The following ST3GAL5 variants were observed in gnomAD, a reference collection of about 807,000 sequenced individuals.
ST3GAL5 encodes the protein lactosylceramide alpha-2,3-sialyltransferase.
In ST3GAL5, 25 loss-of-function variants were observed where a neutral mutation model predicts 46.1. The ratio of observed to expected loss-of-function variants is 0.54; its 90% CI spans 0.40 to 0.76. The LOEUF (loss-of-function observed/expected upper bound fraction) is 0.76. Among genes scored for constraint, ST3GAL5 ranks in the 30% least tolerant of loss-of-function variants. The pLI is 0.00. For missense variants in ST3GAL5, 431 were observed against 521.2 expected, an observed-to-expected ratio of 0.83 and a Z score of 1.69; for synonymous variants, 182 against 192.7, an observed-to-expected ratio of 0.94 and a Z score of 0.46.
rs1050048593 is a variant in ST3GAL5, at chr2:85,844,299, T to C, written c.1008+97A>G. 64 of 1,529,102 alleles carry C rather than the reference T, an allele frequency of 4.2e-5. No homozygotes were observed. In the African/African-American group the frequency reaches 7.3e-4, roughly 17 times the overall value. 94.7% of individuals were successfully genotyped at this position (1,529,102 alleles called of 1,614,324 possible). On this transcript the variant is annotated intron_variant, in intron 6 of 6. Coordinates refer to ENST00000638572, the MANE Select transcript of ST3GAL5 (RefSeq NM_003896.4). ...CTAATCACAGGCTGGGTTTCTCCAC[T>C]GGAGATGCTTCTGGGTATACAGTTG... is the stretch of plus-strand genomic sequence containing the variant.
intron 3 of ST3GAL5, chr2:85,850,414 T>C (rs1009233742): frequency 2.6e-5 from 4 of 152,294 alleles, no homozygotes; most frequent in African/African-American, 9.6e-5. Flanking sequence ...TAAATACGAA[T>C]TGGCATCTTC....
At chr2:85,881,207 C>T (rs1279362825) in intron 1 of ST3GAL5, among the ~76,000 whole-genome samples, 1 of 152,182 alleles carries the variant, frequency 6.6e-6, no homozygotes, top group African/African-American at 2.4e-5. Flanking sequence ...GAGACCTTCC[C>T]CAGACATGTG....
intron 4 of ST3GAL5, chr2:85,847,316 T>C: frequency 1.0e-6 from 1 of 961,732 alleles, no homozygotes; most frequent in South Asian, 4.6e-5. Flanking sequence ...TGTGGTCCTT[T>C]GCTGTTTTAC....
intron 2 of ST3GAL5, among the ~76,000 whole-genome samples, chr2:85,862,864 A>G (rs1684874540): frequency 6.6e-6 from 1 of 152,218 alleles, no homozygotes; most frequent in South Asian, 2.1e-4. Flanking sequence ...TGACTGGTAT[A>G]TATGTAAAAA....
rs1379967159 is a variant in ST3GAL5, at chr2:85,861,236, G to C, written c.263C>G (p.Thr88Ser). The C allele has an allele frequency of 1.9e-6, 3 of 1,613,416 alleles. No individual in the cohort carries two copies. Among genetic ancestry groups the C allele is most frequent in the Non-Finnish European group, 8.5e-7 (1 of 1,179,744 alleles). ...TTTTTTCATGTCACATTCTTCAGTA[G>C]TATAATTTAACTTGAGGATATAAAG... ...WILYILKLNY[T>S]TEECDMKKMH... Residue 88 changes from threonine to serine, a missense_variant, in exon 3 of 7, where the codon ACT becomes AGT. Transcript: ENST00000638572.
chr2:85,839,920 T>G lies in ST3GAL5; in HGVS notation c.*224A>C, dbSNP rs1302944472. On this transcript the variant is annotated 3_prime_UTR_variant, in exon 7 of 7. Transcript: ENST00000638572. Reference sequence around the variant, plus strand: ...CTTTGAGAAGTCTTTCCAATTCAATTCTTAAGTTTCATTTACAAAATGGTG... The same window carrying G: ...CTTTGAGAAGTCTTTCCAATTCAATGCTTAAGTTTCATTTACAAAATGGTG... The G allele has an allele frequency of 3.4e-6, 2 of 585,624 alleles. No individual in the cohort carries two copies. Among genetic ancestry groups the G allele is most frequent in the East Asian group, 5.9e-5 (2 of 33,816 alleles). The allele number at this position is 585,624 out of a possible 1,614,324, so 36.3% of individuals were successfully genotyped here.
intron 1 of ST3GAL5, among the ~76,000 whole-genome samples, chr2:85,872,784 G>A (rs550752143): frequency 2.0e-5 from 3 of 152,310 alleles, no homozygotes; most frequent in East Asian, 1.9e-4. Flanking sequence ...CCTACCATCC[G>A]TGGGGAAGGG....
chr2:85,844,701 G>A, intron 5 of ST3GAL5, 147 bp from the exon 6 acceptor site: 2 of 1,094,046 alleles, frequency 1.8e-6, no homozygotes, highest in African/African-American at 3.1e-5. Flanking sequence ...GATTGCAAAA[G>A]CTACGCAAAT....
rs188807604 is a variant in ST3GAL5, at chr2:85,839,466, G to A, written c.*678C>T. On this transcript the variant is annotated 3_prime_UTR_variant, in exon 7 of 7. Coordinates refer to ENST00000638572, the MANE Select transcript of ST3GAL5 (RefSeq NM_003896.4). ...ATTCAAGAATTGTAATAATTGCTGGGAAGACTGTGGTTTCTGTAGCCCAGG... is the reference window on the plus strand; with the variant it reads ...ATTCAAGAATTGTAATAATTGCTGGAAAGACTGTGGTTTCTGTAGCCCAGG... 20 of 153,574 alleles carry A rather than the reference G, an allele frequency of 1.3e-4. No individual in the cohort carries two copies. The highest frequency in any genetic ancestry group is 4.1e-4 in the South Asian group (2 of 4,872). The allele number at this position is 153,574 out of a possible 1,614,324, so 9.5% of individuals were successfully genotyped here.
At chr2:85,843,458 T>G (rs1045478835) in intron 6 of ST3GAL5, among the ~76,000 whole-genome samples, 1 of 152,268 alleles carries the variant, frequency 6.6e-6, no homozygotes, top group African/African-American at 2.4e-5. Context: ...ATTGTGGCTC[T>G]AATTTGCTTT....
chr2:85,846,510 G>A lies in ST3GAL5; in HGVS notation c.716C>T (p.Thr239Ile). ...GCCCTCTGGATAAGTCATCCTTATA[G>A]TAGTTTTATTTCCAACATGTTCTGA... ...GYSEHVGNKTTIRMTYPEGAP... is the reference protein window; with the variant it reads ...GYSEHVGNKTIIRMTYPEGAP... The change falls in exon 5 of 7, where the codon ACT becomes ATT. Residue 239 changes from threonine to isoleucine, a missense_variant. Transcript: ENST00000638572. 1 of 1,614,192 alleles carries A rather than the reference G, an allele frequency of 6.2e-7. No homozygotes were observed. Among genetic ancestry groups the A allele is most frequent in the Non-Finnish European group, 8.5e-7 (1 of 1,180,022 alleles).
At chr2:85,876,548 G>A (rs1003831088) in intron 1 of ST3GAL5, among the ~76,000 whole-genome samples, 5 of 139,516 alleles carry the variant, frequency 3.6e-5, no homozygotes, top group African/African-American at 5.3e-5. Flanking sequence ...CGCAACCTCC[G>A]CCTCCCAGGT....
At chr2:85,846,237 G>C (rs1367551199) in intron 5 of ST3GAL5, 140 bp downstream of exon 5, 4 of 802,622 alleles carry the variant, frequency 5.0e-6, no homozygotes, top group African/African-American at 1.7e-5. Flanking sequence ...TTTCTACAAA[G>C]AGAGTGATCA....
intron 1 of ST3GAL5, among the ~76,000 whole-genome samples, chr2:85,886,855 CAT>C (rs924949469): frequency 7.2e-5 from 11 of 152,200 alleles, no homozygotes; most frequent in African/African-American, 2.7e-4. Context: ...GCATCATTAA[CAT>C]GTGTATATTC....
chr2:85,855,663 T>TA (rs1684016578), intron 3 of ST3GAL5: 2 of 152,096 alleles, frequency 1.3e-5, no homozygotes, highest in South Asian at 4.1e-4. Context: ...AAAGACAACT[T>TA]AGAGAGTGGA....
At chr2:85,863,866 C>T (rs745926476) in intron 1 of ST3GAL5, among the ~76,000 whole-genome samples, 29 of 152,082 alleles carry the variant, frequency 1.9e-4, no homozygotes, top group Non-Finnish European at 3.8e-4. Flanking sequence ...TGCCACCATG[C>T]CAGGCTAATT....
At chr2:85,847,591 G>C (rs765050355) in intron 4 of ST3GAL5, 4 of 1,217,362 alleles carry the variant, frequency 3.3e-6, no homozygotes, top group Non-Finnish European at 4.1e-6. Flanking sequence ...TTTTAAAAGC[G>C]ATGTACCCCA....
chr2:85,872,976 T>C (rs1307869585), intron 1 of ST3GAL5, among the ~76,000 whole-genome samples: 2 of 152,092 alleles, frequency 1.3e-5, no homozygotes, highest in Non-Finnish European at 2.9e-5. Flanking sequence ...AGCAGCGGCA[T>C]GGGGCGGCCG....
chr2:85,843,871 A>G (rs1287629644), intron 6 of ST3GAL5, among the ~76,000 whole-genome samples: 1 of 152,182 alleles, frequency 6.6e-6, no homozygotes, highest in African/African-American at 2.4e-5. Flanking sequence ...AACACAAAAC[A>G]ATTAGAATGT....
Sources: gnomAD v4.1 joint callset for allele counts (sites outside exome capture counted in the v4.1 genomes callset) on GRCh38, gnomAD v4.1.1 for gene constraint, MANE v1.5 for transcripts, NCBI Gene and HGNC (gene_info 2026-07-23, HGNC 2026-07-21) for gene names.